TRPM6: variants seen among roughly 807,000 people sequenced by gnomAD.
TRPM6 encodes the protein transient receptor potential cation channel subfamily M member 6, also known as channel kinase 2.
A neutral mutation model predicts 247.6 loss-of-function variants in TRPM6; 111 were observed. The observed-to-expected ratio is 0.45, with a 90% confidence interval of 0.38 to 0.52. TRPM6 has a LOEUF of 0.52. Among genes scored for constraint, TRPM6 ranks in the 20% least tolerant of loss-of-function variants. The pLI, the probability that TRPM6 is intolerant of heterozygous loss-of-function variation, is 0.00. For missense variants in TRPM6, 2,126 were observed against 2,421.5 expected, an observed-to-expected ratio of 0.88 and a Z score of 2.56; for synonymous variants, 892 against 853.8, an observed-to-expected ratio of 1.04 and a Z score of -0.78.
rs186230923 is a variant in TRPM6, at chr9:74,788,741, A to G, written c.2540T>C (p.Met847Thr). 12 of 1,613,844 alleles carry G rather than the reference A, an allele frequency of 7.4e-6. No homozygotes were observed. In the Admixed American group the frequency reaches 1.0e-4, roughly 13 times the overall value. The change falls in exon 20 of 39, where the codon ATG (methionine) becomes ACG (threonine). Residue 847 changes from methionine to threonine, a missense_variant and splice_region_variant. Met to Thr is a moderately conservative substitution (Grantham distance 81, BLOSUM62 -1). Around this residue, in one of 3 missense-constraint regions of TRPM6, gnomAD observed 1,082 missense variants for 1,307.9 expected, o/e 0.83. Coordinates refer to ENST00000360774, the MANE Select transcript of TRPM6 (RefSeq NM_017662.5). ...APIVKFWFYT[M>T]AYLAFLMLFT... ...CAGCATGAGGAATGCCAAATACGCCATCTGTGAGGGGGACACACATTCCCC... is the reference window on the plus strand; with the variant it reads ...CAGCATGAGGAATGCCAAATACGCCGTCTGTGAGGGGGACACACATTCCCC...
In TRPM6 at chr9:74,761,724, T is replaced by C. The variant is rs1326605039; in HGVS notation, c.4757A>G (p.Lys1586Arg). ...CACCTGGAGTCCTTGAGTATTCTTC[T>C]TTTTCTTTGACAGTCTCCTGTCTTT... ...LTKDRRLSKK[K>R]KNTQGLQVPI... is the part of the protein sequence containing the mutation. Residue 1586 changes from lysine to arginine, a missense_variant, in exon 27 of 39, where the codon AAG becomes AGG. By Grantham distance (26) the Lys-to-Arg change is conservative. Around this residue, in one of 3 missense-constraint regions of TRPM6, gnomAD observed 717 missense variants for 715.9 expected, o/e 1.00. Transcript: ENST00000360774. 2.5e-6 allele frequency: 4 copies of C among 1,613,344 alleles called. No individual in the cohort carries two copies. The African/African-American group carries it at 4.0e-5, about 16-fold the overall frequency.
At chr9:74,741,510 G>C (rs1825862807) in intron 33 of TRPM6, among the ~76,000 whole-genome samples, 1 of 151,942 alleles carries the variant, frequency 6.6e-6, no homozygotes, top group South Asian at 2.1e-4. Flanking sequence ...GATCTCTTTG[G>C]AGTTCTAAAT....
At chr9:74,772,838 C>T (rs1205246356) in intron 24 of TRPM6, among the ~76,000 whole-genome samples, 1 of 152,096 alleles carries the variant, frequency 6.6e-6, no homozygotes, top group African/African-American at 2.4e-5. Context: ...TGAAACCCCA[C>T]CTCTAGTAAA....
At chr9:74,743,692 G>A (rs1825935095) in intron 32 of TRPM6, among the ~76,000 whole-genome samples, 1 of 152,122 alleles carries the variant, frequency 6.6e-6, no homozygotes, top group South Asian at 2.1e-4. Context: ...TTCATTCAGT[G>A]ATCATACTCA....
intron 3 of TRPM6, 127 bp downstream of exon 3, chr9:74,855,400 C>A: frequency 1.3e-6 from 1 of 757,408 alleles, no homozygotes; most frequent in South Asian, 1.5e-5. Context: ...CTTTTTAAAA[C>A]TTCCCTTGGA....
intron 3 of TRPM6, among the ~76,000 whole-genome samples, chr9:74,846,541 AT>A (rs986322382): frequency 6.6e-6 from 1 of 151,642 alleles, no homozygotes; most frequent in Non-Finnish European, 1.5e-5. Flanking sequence ...ATATTTTAGA[AT>A]TTTTTTTCTT....
At chr9:74,778,107 C>T (rs1411109081) in intron 23 of TRPM6, among the ~76,000 whole-genome samples, 1 of 152,162 alleles carries the variant, frequency 6.6e-6, no homozygotes, top group Admixed American at 6.5e-5. Flanking sequence ...AAACTGAAGC[C>T]GAGTGTCGGT....
chr9:74,749,727 T>A (rs569603697), intron 30 of TRPM6, among the ~76,000 whole-genome samples: 7 of 152,232 alleles, frequency 4.6e-5, no homozygotes, highest in Non-Finnish European at 1.0e-4. Flanking sequence ...ATTACGATTA[T>A]TGTTCAATTT....
At chr9:74,832,295 A>AT (rs1276932827) in intron 6 of TRPM6, among the ~76,000 whole-genome samples, 2 of 152,218 alleles carry the variant, frequency 1.3e-5, no homozygotes, top group Non-Finnish European at 1.5e-5. Context: ...AAATCCATAG[A>AT]TTAAAAGTGA....
Position 74,800,122 on chromosome 9 carries a change from A to T in TRPM6, c.2238+132T>A, listed in dbSNP as rs1828264576. The T allele has an allele frequency of 6.1e-6, 5 of 819,632 alleles. No individual in the cohort carries two copies. The East Asian group carries it at 1.3e-4, about 22-fold the overall frequency. The allele number at this position is 819,632 out of a possible 1,614,324, so 50.8% of individuals were successfully genotyped here. ...CGAGTAGCTGCAGTCCCCTGCTAGAACCTCCAAATGAGCTCTCAAATATAT... is the reference window on the plus strand; with the variant it reads ...CGAGTAGCTGCAGTCCCCTGCTAGATCCTCCAAATGAGCTCTCAAATATAT... On this transcript the variant is annotated intron_variant, in intron 17 of 38. Transcript: ENST00000360774.
At chr9:74,828,507 C>T (rs1045394273) in intron 6 of TRPM6, among the ~76,000 whole-genome samples, 1 of 152,128 alleles carries the variant, frequency 6.6e-6, no homozygotes, top group Non-Finnish European at 1.5e-5. Flanking sequence ...AGATTCACAA[C>T]ACAAGTTCAA....
rs1323465967 is a variant in TRPM6 at position 74,800,393 on chromosome 9, C to A, written c.2099G>T (p.Arg700Met). 4 of 1,614,068 alleles carry A rather than the reference C, an allele frequency of 2.5e-6. No individual in the cohort carries two copies. In the South Asian group the frequency reaches 4.4e-5, roughly 18 times the overall value. Residue 700 changes from arginine (R) to methionine (M), a missense_variant, in exon 17 of 39, where the codon AGG becomes ATG. Arg to Met is a moderately conservative substitution (Grantham distance 91). Around this residue, in one of 3 missense-constraint regions of TRPM6, gnomAD observed 1,082 missense variants for 1,307.9 expected, o/e 0.83. Transcript: ENST00000360774. The part of the protein sequence containing the change: ...MAMTLLTYEL[R>M]NWSNSTCLKL... ...AAGGCAGGTCGAATTGCTCCAGTTC[C>A]TGAGTTCATACGTCAACAGCGTCAT...
At position 74,755,481 on chromosome 9, in the gene TRPM6, G is replaced by A. The variant is rs778054958; in HGVS notation, c.4786-8C>T. On this transcript the variant is annotated splice_region_variant and splice_polypyrimidine_tract_variant and intron_variant, in intron 27 of 38. Coordinates refer to ENST00000360774, the MANE Select transcript of TRPM6 (RefSeq NM_017662.5). ...GGCATTGACTGTTATGATCTGGAGA[G>A]AAAGACACTTGTTGGAACACAGTGA... The A allele has an allele frequency of 1.9e-6, 3 of 1,613,988 alleles. No individual in the cohort carries two copies. The highest frequency in any genetic ancestry group is 2.5e-6 in the Non-Finnish European group (3 of 1,179,958).
chr9:74,771,554 ATTAC>A, intron 25 of TRPM6, 145 bp downstream of exon 25: 1 of 735,622 alleles, frequency 1.4e-6, no homozygotes, highest in Non-Finnish European at 2.2e-6. Flanking sequence ...ATATACTTTG[ATTAC>A]ATGAATATTA....
At position 74,836,021 on chromosome 9, in the gene TRPM6, C is replaced by T. The variant is rs12343109; in HGVS notation, c.545-1899G>A. ...TTACATCAGTTTACATTAGGGTTCACTCTTGCTGCTGTACATTCTATGAGT... is the reference window on the plus strand; with the variant it reads ...TTACATCAGTTTACATTAGGGTTCATTCTTGCTGCTGTACATTCTATGAGT... On this transcript the variant is annotated intron_variant, in intron 5 of 38. Transcript: ENST00000360774. Among the ~76,000 whole-genome samples the T allele has an allele frequency of 9.8e-3, 1,488 of 152,260 alleles. 27 individuals carry two copies. The highest frequency in any genetic ancestry group is 0.034 in the African/African-American group (1,414 of 41,538).
chr9:74,812,554 T>G, intron 11 of TRPM6, 121 bp from the exon 12 acceptor site: 1 of 961,150 alleles, frequency 1.0e-6, no homozygotes, highest in East Asian at 2.7e-5. Flanking sequence ...AATCCTGCCA[T>G]CAGTGGGTAC....
At chr9:74,824,159 T>C (rs1587546252) in intron 7 of TRPM6, among the ~76,000 whole-genome samples, 1 of 112,562 alleles carries the variant, frequency 8.9e-6, no homozygotes, top group Non-Finnish European at 1.8e-5. Context: ...TTAGGTACAC[T>C]TTTTTTTTTT....
intron 25 of TRPM6, among the ~76,000 whole-genome samples, chr9:74,771,437 G>A (rs1243863576): frequency 4.7e-5 from 7 of 149,612 alleles, no homozygotes; most frequent in Non-Finnish European, 7.4e-5. Flanking sequence ...ACACACACGC[G>A]CGCGCGCATG....
chr9:74,837,710 T>C (rs1313922031), intron 5 of TRPM6, among the ~76,000 whole-genome samples: 2 of 151,200 alleles, frequency 1.3e-5, no homozygotes, highest in African/African-American at 4.9e-5. Flanking sequence ...GCTCCCAAAG[T>C]GTTGGGATTA....
Sources: allele counts gnomAD v4.1 joint callset (sites outside exome capture counted in the v4.1 genomes callset), GRCh38; gene constraint gnomAD v4.1.1; regional missense constraint gnomAD v4.1.1; transcripts MANE v1.5; gene names NCBI Gene and HGNC (gene_info 2026-07-23, HGNC 2026-07-21).